The following SPATA6 variants were observed in gnomAD, a reference collection of about 807,000 sequenced individuals.
SPATA6 encodes the protein spermatogenesis-associated protein 6.
Under a neutral mutation model 65.3 loss-of-function variants are expected in SPATA6, and 56 were observed. That is an observed-to-expected ratio of 0.86 (90% CI 0.69 to 1.07). The LOEUF (loss-of-function observed/expected upper bound fraction) is 1.07. SPATA6 is among the 50% of genes least tolerant of loss of function. The pLI, the probability that SPATA6 is intolerant of heterozygous loss-of-function variation, is 0.00. For missense variants in SPATA6, 590 were observed against 594.8 expected (o/e 0.99, Z 0.08); for synonymous variants, 199 against 213.2 (o/e 0.93, Z 0.58).
intron 9 of SPATA6, among the ~76,000 whole-genome samples, chr1:48,379,437 G>A (rs1648295987): frequency 6.6e-6 from 1 of 152,146 alleles, no homozygotes; most frequent in Non-Finnish European, 1.5e-5. Context: ...CATAGAAGCA[G>A]AAAACAGAAT....
chr1:48,399,022 C>G (rs760320691), intron 7 of SPATA6: 88 of 198,410 alleles, frequency 4.4e-4, no homozygotes, highest in Non-Finnish European at 6.7e-4. Flanking sequence ...TTTTAAAGCC[C>G]TACTCTGCCA....
chr1:48,381,685 TTC>T (rs1491345752), intron 9 of SPATA6, among the ~76,000 whole-genome samples: 3 of 14,640 alleles, frequency 2.0e-4, no homozygotes, highest in African/African-American at 3.8e-4. Context: ...TAAATTTTTT[TTC>T]TTTTTTTTTT....
intron 9 of SPATA6, among the ~76,000 whole-genome samples, chr1:48,364,031 T>G (rs940722491): frequency 6.6e-6 from 1 of 151,666 alleles, no homozygotes; most frequent in African/African-American, 2.4e-5. Context: ...AATTCCCACC[T>G]ATGAATGAGA....
At position 48,413,104 on chromosome 1, in the gene SPATA6, T is replaced by G. The variant is rs1038087726; in HGVS notation, c.280+6A>C. ...ATATTGTATATATTACATCAATATA[T>G]ATTACCTGGTGGAACTAGCTGTATC... On this transcript the variant is annotated splice_donor_region_variant and intron_variant, in intron 4 of 12. Coordinates refer to ENST00000371847, the MANE Select transcript of SPATA6 (RefSeq NM_019073.4). The G allele has an allele frequency of 4.0e-6, 5 of 1,253,552 alleles. No homozygotes were observed. Among genetic ancestry groups the G allele is most frequent in the Non-Finnish European group, 5.2e-6 (5 of 956,662 alleles). The allele number at this position is 1,253,552 out of a possible 1,614,324, so 77.7% of individuals were successfully genotyped here.
chr1:48,451,340 G>C (rs1656552441), intron 3 of SPATA6, among the ~76,000 whole-genome samples: 1 of 152,012 alleles, frequency 6.6e-6, no homozygotes, highest in South Asian at 2.1e-4. Context: ...CACAAAAAAA[G>C]AAAGAATTCT....
At chr1:48,325,622 T>A in intron 11 of SPATA6, 1 of 738,834 alleles carries the variant, frequency 1.4e-6, no homozygotes, top group Non-Finnish European at 2.4e-6. Context: ...AGTGTTGAAC[T>A]ATGTCAGGTT....
intron 1 of SPATA6, among the ~76,000 whole-genome samples, chr1:48,470,976 G>C (rs1431385698): frequency 1.3e-5 from 2 of 152,106 alleles, no homozygotes; most frequent in African/African-American, 4.8e-5. Context: ...GGACTAAAAC[G>C]GGGTGTGGAA....
At chr1:48,407,358 C>T (rs1025492346) in intron 5 of SPATA6, among the ~76,000 whole-genome samples, 5 of 152,150 alleles carry the variant, frequency 3.3e-5, no homozygotes, top group Non-Finnish European at 7.4e-5. Context: ...TTACCTTACT[C>T]CCAGGACCTT....
chr1:48,442,702 G>A (rs79328231), intron 3 of SPATA6, among the ~76,000 whole-genome samples: 1 of 74,916 alleles, frequency 1.3e-5, no homozygotes, highest in Non-Finnish European at 2.4e-5. Context: ...CAAAGAGAAA[G>A]AGAGATGGAA....
At chr1:48,304,151 T>C (rs532312496) in intron 12 of SPATA6, among the ~76,000 whole-genome samples, 1 of 152,312 alleles carries the variant, frequency 6.6e-6, no homozygotes, top group East Asian at 1.9e-4. Context: ...ACTAAAATAA[T>C]ATCCTAATCA....
intron 11 of SPATA6, among the ~76,000 whole-genome samples, chr1:48,313,302 G>A (rs28895655): frequency 0.013 from 2,044 of 152,272 alleles, 25 homozygotes; most frequent in Non-Finnish European, 0.02. Flanking sequence ...GAGAAAGGTC[G>A]GGTTACCCAC....
chr1:48,436,889 T>A, intron 3 of SPATA6: 1 of 1,613,458 alleles, frequency 6.2e-7, no homozygotes, highest in East Asian at 2.2e-5. Flanking sequence ...CGGTCAGGTG[T>A]AGACTCTGGA....
downstream of SPATA6, among the ~76,000 whole-genome samples, chr1:48,291,974 T>C (rs973767273): frequency 6.6e-6 from 1 of 152,222 alleles, no homozygotes; most frequent in African/African-American, 2.4e-5. Context: ...AATTTTGTTA[T>C]ATCGTTTACC....
intron 9 of SPATA6, among the ~76,000 whole-genome samples, chr1:48,360,826 G>T (rs1434054733): frequency 1.3e-5 from 2 of 152,124 alleles, no homozygotes; most frequent in African/African-American, 4.8e-5. Context: ...CAATGGAGGT[G>T]AGAAGTGATC....
the SPATA6 span, among the ~76,000 whole-genome samples, chr1:48,287,484 G>A: frequency 1.3e-5 from 2 of 152,236 alleles, no homozygotes; most frequent in Non-Finnish European, 2.9e-5. Flanking sequence ...TTGGTGAGAA[G>A]TAATTGGGTC....
intron 9 of SPATA6, among the ~76,000 whole-genome samples, chr1:48,384,330 G>A (rs1258149852): frequency 1.4e-5 from 1 of 73,704 alleles, no homozygotes; most frequent in Admixed American, 1.4e-4. Flanking sequence ...ACCGTGGAGG[G>A]ACAGGGACAG....
At chr1:48,279,861 C>A in the SPATA6 span, among the ~76,000 whole-genome samples, 2 of 152,176 alleles carry the variant, frequency 1.3e-5, no homozygotes, top group Non-Finnish European at 2.9e-5. Flanking sequence ...CTCTCCACCC[C>A]AAATCAACAG....
At chr1:48,345,594 T>C (rs1646341625) in intron 11 of SPATA6, among the ~76,000 whole-genome samples, 1 of 151,956 alleles carries the variant, frequency 6.6e-6, no homozygotes, top group African/African-American at 2.4e-5. Context: ...AATAGAGTGC[T>C]AGCTAGACTA....
chr1:48,369,736 G>A (rs1278038451), intron 9 of SPATA6, among the ~76,000 whole-genome samples: 4 of 152,234 alleles, frequency 2.6e-5, no homozygotes, highest in Non-Finnish European at 5.9e-5. Flanking sequence ...TCCCGAGTGA[G>A]GCAATGCCTC....
Sources: gnomAD v4.1 joint callset for allele counts (sites outside exome capture counted in the v4.1 genomes callset) on GRCh38, gnomAD v4.1.1 for gene constraint, MANE v1.5 for transcripts, NCBI Gene and HGNC (gene_info 2026-07-23, HGNC 2026-07-21) for gene names.